The following NTM variants were observed in gnomAD, a reference collection of about 807,000 sequenced individuals.
The protein encoded by NTM is neurotrimin.
Under a neutral mutation model 42.1 loss-of-function variants are expected in NTM, and 13 were observed. The ratio of observed to expected loss-of-function variants is 0.31; its 90% CI spans 0.20 to 0.49. The LOEUF (loss-of-function observed/expected upper bound fraction) is 0.49, where lower values mean the gene tolerates loss of function less well. NTM is among the 20% of genes least tolerant of loss of function. NTM has a pLI of 0.99. For synonymous variants in NTM, 187 were observed against 179.2 expected (o/e 1.04, Z -0.35); for missense variants, 373 against 452.8 (o/e 0.82, Z 1.60).
intron 4 of NTM, among the ~76,000 whole-genome samples, chr11:132,252,568 A>G (rs2092062146): frequency 6.6e-6 from 1 of 152,254 alleles, no homozygotes; most frequent in Admixed American, 6.5e-5. Context: ...ACCTGAGGCC[A>G]GAGATGTAGA....
At chr11:131,999,189 A>G (rs2068702822) in intron 2 of NTM, among the ~76,000 whole-genome samples, 1 of 152,134 alleles carries the variant, frequency 6.6e-6, no homozygotes, top group African/African-American at 2.4e-5. Context: ...GGTCCCTGCA[A>G]TGTGCTACTC....
At chr11:131,481,097 C>G (rs1031299814) in intron 1 of NTM, among the ~76,000 whole-genome samples, 2 of 152,002 alleles carry the variant, frequency 1.3e-5, no homozygotes, top group East Asian at 1.9e-4. Flanking sequence ...AAATGGACAT[C>G]GATATAGAGA....
intron 1 of NTM, among the ~76,000 whole-genome samples, chr11:131,402,748 CCA>C (rs1215209415): frequency 6.6e-6 from 1 of 152,126 alleles, no homozygotes; most frequent in Non-Finnish European, 1.5e-5. Flanking sequence ...TATCCTCTGG[CCA>C]TATAAGTACT....
In NTM at chr11:132,335,029, G is replaced by A; in HGVS notation, c.968-17G>A. 2.5e-6 allele frequency: 4 copies of A among 1,610,512 alleles called. No homozygotes were observed. Among genetic ancestry groups the A allele is most frequent in the Non-Finnish European group, 3.4e-6 (4 of 1,179,392 alleles). On this transcript the variant is annotated splice_polypyrimidine_tract_variant and intron_variant, in intron 8 of 8. Transcript: ENST00000683400. ...TTTTCTCCCAGACCACTCACGGCGA[G>A]TGTGTTCTCTCCACAGGTCCAGGCG...
At chr11:131,961,825 T>C (rs1257721242) in intron 2 of NTM, among the ~76,000 whole-genome samples, 4 of 152,126 alleles carry the variant, frequency 2.6e-5, no homozygotes, top group Non-Finnish European at 5.9e-5. Context: ...GAGATCACCT[T>C]TTGTCAGGAG....
rs114400552 is a variant in NTM, at chr11:132,219,723, G to C, written c.526+7576G>C. Among the ~76,000 whole-genome samples, 711 of 152,060 alleles carry C rather than the reference G, an allele frequency of 4.7e-3. 4 individuals carry two copies. The highest frequency in any genetic ancestry group is 0.016 in the African/African-American group (672 of 41,472). On this transcript the variant is annotated intron_variant, in intron 4 of 8. Coordinates refer to ENST00000683400, the MANE Select transcript of NTM (RefSeq NM_001352005.2). ...TACCTTCCCACATGGATATGACAAGGATTAAACACGTGCACCAATGGAAAG... is the reference window on the plus strand; with the variant it reads ...TACCTTCCCACATGGATATGACAAGCATTAAACACGTGCACCAATGGAAAG...
In NTM at chr11:131,839,088, G is replaced by A. The variant is rs186824213; in HGVS notation, c.83-72476G>A. ...CGATTCTCCTGCCTCAGCCTCCTGA[G>A]TAGCTGGGATTACAGGTGCACACCA... On this transcript the variant is annotated intron_variant, in intron 1 of 8. Coordinates refer to ENST00000683400, the MANE Select transcript of NTM (RefSeq NM_001352005.2). 6.0e-3 allele frequency among the ~76,000 whole-genome samples: 907 copies of A among 151,986 alleles called. 8 individuals carry two copies. Among genetic ancestry groups the A allele is most frequent in the African/African-American group, 0.02 (829 of 41,456 alleles).
intron 2 of NTM, among the ~76,000 whole-genome samples, chr11:131,964,766 T>A (rs920870881): frequency 1.3e-5 from 2 of 152,172 alleles, no homozygotes; most frequent in African/African-American, 4.8e-5. Flanking sequence ...TATCCTGGTC[T>A]TTCCCATGCT....
intron 1 of NTM, among the ~76,000 whole-genome samples, chr11:131,485,494 A>G (rs2136262395): frequency 6.6e-6 from 1 of 152,286 alleles, no homozygotes; most frequent in African/African-American, 2.4e-5. Flanking sequence ...CAAAAGACAA[A>G]TACAAAAGTG....
chr11:131,972,675 C>T (rs900150790), intron 2 of NTM, among the ~76,000 whole-genome samples: 3 of 152,096 alleles, frequency 2.0e-5, no homozygotes, highest in African/African-American at 7.2e-5. Context: ...TTCATCTGTG[C>T]TGATGGAACC....
intron 1 of NTM, among the ~76,000 whole-genome samples, chr11:131,783,719 CT>C (rs1388704634): frequency 1.3e-5 from 2 of 151,964 alleles, no homozygotes; most frequent in Non-Finnish European, 2.9e-5. Context: ...ATGTGTTGGC[CT>C]TGAGTAGGTA....
At chr11:131,889,894 A>C (rs2050995191) in intron 1 of NTM, among the ~76,000 whole-genome samples, 1 of 152,142 alleles carries the variant, frequency 6.6e-6, no homozygotes, top group African/African-American at 2.4e-5. Context: ...ATGTCTCTGC[A>C]GGAACCCTCT....
intron 1 of NTM, chr11:131,773,912 C>T (rs904354825): frequency 1.2e-5 from 7 of 600,280 alleles, no homozygotes; most frequent in Non-Finnish European, 1.3e-5. Context: ...CTGTCAGCTA[C>T]GACTGCTGGA....
At chr11:132,221,008 C>T (rs1183321345) in intron 4 of NTM, among the ~76,000 whole-genome samples, 4 of 152,148 alleles carry the variant, frequency 2.6e-5, no homozygotes, top group Non-Finnish European at 4.4e-5. Context: ...CGAGTCACAC[C>T]GCTGTAGACC....
chr11:132,307,420 T>A (rs1428398538), intron 4 of NTM, among the ~76,000 whole-genome samples: 1 of 152,144 alleles, frequency 6.6e-6, no homozygotes, highest in Non-Finnish European at 1.5e-5. Context: ...ATTAATCACT[T>A]ATTGGGACCA....
At chr11:131,422,575 C>T (rs532325534) in intron 1 of NTM, among the ~76,000 whole-genome samples, 14 of 152,186 alleles carry the variant, frequency 9.2e-5, no homozygotes, top group Non-Finnish European at 2.1e-4. Flanking sequence ...TAACAAGCAT[C>T]TTTCAAAGTA....
intron 1 of NTM, among the ~76,000 whole-genome samples, chr11:131,635,467 A>G (rs1035908751): frequency 2.6e-5 from 4 of 152,180 alleles, no homozygotes; most frequent in Non-Finnish European, 4.4e-5. Flanking sequence ...AAATAGAAAA[A>G]AACTTACAGA....
intron 1 of NTM, among the ~76,000 whole-genome samples, chr11:131,862,806 C>A (rs745376523): frequency 3.3e-5 from 5 of 152,274 alleles, no homozygotes; most frequent in Admixed American, 1.3e-4. Context: ...AAGTATAAAC[C>A]TAGCTGAATT....
At chr11:131,922,516 C>A (rs1034148880) in intron 2 of NTM, among the ~76,000 whole-genome samples, 1 of 152,228 alleles carries the variant, frequency 6.6e-6, no homozygotes, top group Non-Finnish European at 1.5e-5. Context: ...AAACCTAGTA[C>A]ATCCTTTATT....
Sources: gnomAD v4.1 joint callset for allele counts (sites outside exome capture counted in the v4.1 genomes callset) on GRCh38, gnomAD v4.1.1 for gene constraint, MANE v1.5 for transcripts, NCBI Gene and HGNC (gene_info 2026-07-23, HGNC 2026-07-21) for gene names.